Variants in NHSL2 observed in about 807,000 individuals in gnomAD.
NHSL2 encodes the protein NHS-like protein 2.
In NHSL2, 27 loss-of-function variants were observed where a neutral mutation model predicts 53.4. The observed-to-expected ratio is 0.51, with a 90% CI of 0.37 to 0.70. The LOEUF (loss-of-function observed/expected upper bound fraction) is 0.70. Ranked by LOEUF, NHSL2 falls within the 30% of genes least tolerant of loss-of-function variation. The pLI, the probability that NHSL2 is intolerant of heterozygous loss-of-function variation, is 0.00. For missense variants in NHSL2, 892 were observed against 980.1 expected, an observed-to-expected ratio of 0.91 and a Z score of 1.20; for synonymous variants, 408 against 404.1, an observed-to-expected ratio of 1.01 and a Z score of -0.12.
At chrX:71,991,958 GC>G (rs1474928971) in intron 1 of NHSL2, among the ~76,000 whole-genome samples, 3 of 112,712 alleles carry the variant, frequency 2.7e-5, no homozygotes, top group Admixed American at 9.3e-5. Flanking sequence ...CTTTGCATTA[GC>G]CAGGCCCAAG....
chrX:72,108,930 C>A (rs2042068450), intron 1 of NHSL2, among the ~76,000 whole-genome samples: 1 of 111,594 alleles, frequency 9.0e-6, no homozygotes. Context: ...AATATGGCCC[C>A]TGACCACCTC....
rs1025990754 is a variant in NHSL2 at position 72,148,662 on chromosome X, G to A, written c.*5088G>A. 6 of 111,427 alleles carry A rather than the reference G, an allele frequency of 5.4e-5. No homozygotes were observed. The highest frequency in any genetic ancestry group is 2.0e-4 in the African/African-American group (6 of 30,582). 9.2% of individuals were successfully genotyped at this position (111,427 alleles called of 1,213,427 possible). ...GTAAATAGTTATAGACACACATTTGGGGCATTTTTAATAAGGTTAGCAAGA... is the reference window on the plus strand; with the variant it reads ...GTAAATAGTTATAGACACACATTTGAGGCATTTTTAATAAGGTTAGCAAGA... On this transcript the variant is annotated 3_prime_UTR_variant, in exon 8 of 8. Transcript: ENST00000633930.
intron 1 of NHSL2, among the ~76,000 whole-genome samples, chrX:72,033,596 A>G (rs1056106733): frequency 8.9e-6 from 1 of 112,578 alleles, no homozygotes; most frequent in Admixed American, 9.4e-5. Flanking sequence ...CATATTCAGC[A>G]TAGATATCCT....
chrX:72,112,403 A>T (rs149614655), intron 1 of NHSL2, among the ~76,000 whole-genome samples: 37 of 112,158 alleles, frequency 3.3e-4, no homozygotes, highest in African/African-American at 1.0e-3. Context: ...AGTGACTCTT[A>T]GAATATTCCC....
At position 71,967,154 on chromosome X, in the gene NHSL2, T is replaced by G. The variant is rs2041904603; in HGVS notation, c.280+55787T>G. ...TACTGATGTTCCCCCCTCTTTCATTTGTAATATTAGTCATTTGTGTTCTCT... is the reference window on the plus strand; with the variant it reads ...TACTGATGTTCCCCCCTCTTTCATTGGTAATATTAGTCATTTGTGTTCTCT... On this transcript the variant is annotated intron_variant, in intron 1 of 7. Transcript: ENST00000633930. Among the ~76,000 whole-genome samples the G allele has an allele frequency of 2.7e-5, 3 of 111,454 alleles. No homozygotes were observed. The Admixed American group carries it at 2.9e-4, about 11-fold the overall frequency.
At chrX:72,131,275 C>T in intron 1 of NHSL2, 1 of 1,200,622 alleles carries the variant, frequency 8.3e-7, no homozygotes, top group Non-Finnish European at 1.1e-6. Context: ...TGGGGGAGGC[C>T]GGCACAAGAA....
intron 1 of NHSL2, among the ~76,000 whole-genome samples, chrX:72,047,228 A>G (rs1362699081): frequency 9.0e-6 from 1 of 111,031 alleles, no homozygotes; most frequent in Non-Finnish European, 1.9e-5. Flanking sequence ...CTTTCCCCAA[A>G]GGGTCTCCAC....
In NHSL2 at chrX:72,090,582, T is replaced by C. The variant is rs1006620666; in HGVS notation, c.281-41497T>C. Among the ~76,000 whole-genome samples, 5 of 111,789 alleles carry C rather than the reference T, an allele frequency of 4.5e-5. No individual in the cohort carries two copies. The Admixed American group carries it at 4.7e-4, about 11-fold the overall frequency. On this transcript the variant is annotated intron_variant, in intron 1 of 7. Transcript: ENST00000633930. ...TTTGCTTTTGCTTATTACTATTACA[T>C]TTTTAAAGTACTATATGTCTGTGGA...
chrX:71,964,787 A>G (rs1352355128), intron 1 of NHSL2, among the ~76,000 whole-genome samples: 1 of 112,408 alleles, frequency 8.9e-6, no homozygotes, highest in Non-Finnish European at 1.9e-5. Flanking sequence ...GTTTTTGAGA[A>G]CATCTCCAAA....
chrX:71,970,819 G>A (rs887243673), intron 1 of NHSL2, among the ~76,000 whole-genome samples: 2 of 110,910 alleles, frequency 1.8e-5, no homozygotes, highest in African/African-American at 6.6e-5. Context: ...GTATCACTCT[G>A]TCACCCAGGC....
intron 1 of NHSL2, among the ~76,000 whole-genome samples, chrX:72,055,986 A>G (rs2042367092): frequency 8.9e-6 from 1 of 112,065 alleles, no homozygotes; most frequent in Non-Finnish European, 1.9e-5. Context: ...AAATAAGTAA[A>G]TTGCTTTTTT....
intron 1 of NHSL2, among the ~76,000 whole-genome samples, chrX:71,915,405 G>A (rs889583696): frequency 3.6e-5 from 4 of 111,340 alleles, no homozygotes; most frequent in African/African-American, 6.5e-5. Flanking sequence ...TTGACATCCC[G>A]GACCCAGAAA....
rs866012997 is a variant in NHSL2, at chrX:72,110,746, A to C, written c.281-21333A>C. ...ACCTAAAAAAAAAAAAAAAAAAAAA[A>C]AAAAAACCCAAAGAGGAACTTCTAA... On this transcript the variant is annotated intron_variant, in intron 1 of 7. Transcript: ENST00000633930. Among the ~76,000 whole-genome samples, 784 of 97,026 alleles carry C rather than the reference A, an allele frequency of 8.1e-3. 4 individuals carry two copies. The highest frequency in any genetic ancestry group is 0.03 in the African/African-American group (743 of 24,932). 84.3% of individuals were successfully genotyped at this position (97,026 alleles called of 115,157 possible). A position where few individuals can be genotyped will look rare whatever the true frequency, so the allele number is the denominator to read the frequency against.
intron 1 of NHSL2, among the ~76,000 whole-genome samples, chrX:71,935,253 A>G (rs2041732449): frequency 8.9e-6 from 1 of 112,352 alleles, no homozygotes; most frequent in Non-Finnish European, 1.9e-5. Flanking sequence ...ACCCTCAAGG[A>G]GCCTCATCCT....
intron 1 of NHSL2, among the ~76,000 whole-genome samples, chrX:72,022,667 G>A (rs962131775): frequency 1.8e-5 from 2 of 111,854 alleles, no homozygotes; most frequent in Admixed American, 9.4e-5. Flanking sequence ...TCTCACTGGG[G>A]AGTAGGGTTT....
In NHSL2 at chrX:72,140,097, A is replaced by G; in HGVS notation, c.2549A>G (p.Tyr850Cys). ...EPEDDIESPE[Y>C]AEEPRAEEVF... The stretch of plus-strand genomic sequence containing the variant: ...GAAGATGATATTGAGAGCCCTGAGT[A>G]TGCCGAGGAACCCAGAGCAGAAGAA... Residue 850 changes from tyrosine to cysteine, a missense_variant, in exon 6 of 8, where the codon TAT (tyrosine) becomes TGT (cysteine). By Grantham distance (194) the Tyr-to-Cys change is radical (BLOSUM62 -2). Transcript: ENST00000633930. 3 of 1,209,637 alleles carry G rather than the reference A, an allele frequency of 2.5e-6. No individual in the cohort carries two copies. Among genetic ancestry groups the G allele is most frequent in the Admixed American group, 2.2e-5 (1 of 45,927 alleles).
rs1328285732 is a variant in NHSL2, at chrX:72,140,045, C to T, written c.2497C>T (p.Leu833=). ...TCAGTCCGACCTACGTTCTGTTCGC[C>T]TGAGGTCGGTCAGCAAGTCTGAGCC... is the stretch of plus-strand genomic sequence containing the variant. ...VTQSDLRSVR[L]RSVSKSEPED... Residue 833 remains leucine, a synonymous_variant, in exon 6 of 8, where the codon CTG becomes TTG. Coordinates refer to ENST00000633930, the MANE Select transcript of NHSL2 (RefSeq NM_001013627.3). The T allele has an allele frequency of 3.3e-6, 4 of 1,207,943 alleles. No individual in the cohort carries two copies. The highest frequency in any genetic ancestry group is 4.5e-6 in the Non-Finnish European group (4 of 894,091).
chrX:72,137,169 C>A lies in NHSL2; in HGVS notation c.836C>A (p.Thr279Asn), dbSNP rs2042362399. 1 of 1,166,267 alleles carries A rather than the reference C, an allele frequency of 8.6e-7. No homozygotes were observed. The highest frequency in any genetic ancestry group is 3.3e-5 in the East Asian group (1 of 30,752). The change falls in exon 5 of 8, where the codon ACC becomes AAC. Residue 279 changes from threonine (T) to asparagine (N), a missense_variant. By Grantham distance (65) the Thr-to-Asn change is moderately conservative. Transcript: ENST00000633930. ...NTETAVNPKSTLRRRRTIIGF... is the reference protein window; with the variant it reads ...NTETAVNPKSNLRRRRTIIGF... ...GAGACAGCCGTGAACCCCAAGTCCACCCTGAGGCGGAGGCGGACCATTATT... is the reference window on the plus strand; with the variant it reads ...GAGACAGCCGTGAACCCCAAGTCCAACCTGAGGCGGAGGCGGACCATTATT...
intron 1 of NHSL2, among the ~76,000 whole-genome samples, chrX:71,975,429 C>T (rs2041943924): frequency 1.8e-5 from 2 of 111,507 alleles, no homozygotes; most frequent in African/African-American, 6.5e-5. Flanking sequence ...CCACACCCCA[C>T]ACTTGTCTCT....
Sources: gnomAD v4.1 joint callset for allele counts (sites outside exome capture counted in the v4.1 genomes callset) on GRCh38, gnomAD v4.1.1 for gene constraint, MANE v1.5 for transcripts, NCBI Gene and HGNC (gene_info 2026-07-23, HGNC 2026-07-21) for gene names.